Variants in HDAC4 observed in about 807,000 individuals in gnomAD.
HDAC4 encodes the protein histone deacetylase A.
In HDAC4, 16 loss-of-function variants were observed where a neutral mutation model predicts 135.1. The ratio of observed to expected loss-of-function variants is 0.12; its 90% confidence interval spans 0.08 to 0.18. The LOEUF (loss-of-function observed/expected upper bound fraction) is 0.18. Ranked by LOEUF, HDAC4 falls within the 10% of genes least tolerant of loss-of-function variation. The pLI, the probability that HDAC4 is intolerant of heterozygous loss-of-function variation, is 1.00. For missense variants in HDAC4, 1,143 were observed against 1,511.8 expected, an observed-to-expected ratio of 0.76 and a Z score of 4.05; for synonymous variants, 685 against 653.4, an observed-to-expected ratio of 1.05 and a Z score of -0.74.
intron 3 of HDAC4, 146 bp from the exon 4 acceptor site, chr2:239,190,223 TC>T: frequency 8.8e-7 from 1 of 1,141,912 alleles, no homozygotes; most frequent in South Asian, 1.6e-5. Flanking sequence ...TCTCCCCCTG[TC>T]CCCCTCTTGC....
intron 2 of HDAC4, among the ~76,000 whole-genome samples, chr2:239,297,959 G>A (rs940474100): frequency 1.4e-4 from 22 of 152,110 alleles, no homozygotes; most frequent in Admixed American, 1.0e-3. Flanking sequence ...TCCCGGTGCC[G>A]CGGCTGCTAA....
intron 2 of HDAC4, among the ~76,000 whole-genome samples, chr2:239,347,052 CACAT>C (rs771870308): frequency 9.2e-5 from 14 of 151,758 alleles, no homozygotes; most frequent in Non-Finnish European, 1.5e-4. Context: ...CTGATTCACA[CACAT>C]ACAACCTGTC....
At chr2:239,241,770 T>C (rs1255105801) in intron 2 of HDAC4, among the ~76,000 whole-genome samples, 1 of 152,174 alleles carries the variant, frequency 6.6e-6, no homozygotes, top group African/African-American at 2.4e-5. Flanking sequence ...TGTTTTCCTA[T>C]GATAACAGCC....
intron 2 of HDAC4, among the ~76,000 whole-genome samples, chr2:239,325,014 G>A (rs2053429738): frequency 6.6e-6 from 1 of 152,156 alleles, no homozygotes; most frequent in African/African-American, 2.4e-5. Flanking sequence ...TTCAACAAAT[G>A]GTGCTGGACC....
chr2:239,181,005 A>G (rs979036460), intron 4 of HDAC4, among the ~76,000 whole-genome samples: 1 of 152,230 alleles, frequency 6.6e-6, no homozygotes, highest in Non-Finnish European at 1.5e-5. Flanking sequence ...AATCGCTTGG[A>G]GTCCAGGGCA....
intron 3 of HDAC4, among the ~76,000 whole-genome samples, chr2:239,215,422 T>G (rs2046579321): frequency 6.6e-6 from 1 of 152,092 alleles, no homozygotes; most frequent in Non-Finnish European, 1.5e-5. Context: ...CCCAGAAACC[T>G]GGGCTCCCTG....
rs189171052 is a variant in HDAC4 at position 239,145,008 on chromosome 2, G to A, written c.734-294C>T. On this transcript the variant is annotated intron_variant, in intron 7 of 26. Coordinates refer to ENST00000543185, the MANE Select transcript of HDAC4 (RefSeq NM_001378414.1). ...ATCAGGCCACCACTGTTTACCAGGA[G>A]ATGGAAACAGGACTGACAAGCTGAT... Among the ~76,000 whole-genome samples, 1,005 of 152,352 alleles carry A rather than the reference G, an allele frequency of 6.6e-3. 8 individuals carry two copies. Among genetic ancestry groups the A allele is most frequent in the Non-Finnish European group, 8.2e-3 (561 of 68,030 alleles).
rs77807273 is a variant in HDAC4 at position 239,374,881 on chromosome 2, C to T, written c.-219-21963G>A. On this transcript the variant is annotated intron_variant, in intron 1 of 26. Coordinates refer to ENST00000543185, the MANE Select transcript of HDAC4 (RefSeq NM_001378414.1). The stretch of plus-strand genomic sequence containing the variant: ...TGTCAGCTGCACAGGCCCACCCTGG[C>T]GGTACGTGAAGGGCAGCGTGCAAAT... Among the ~76,000 whole-genome samples, 387 of 152,318 alleles carry T rather than the reference C, an allele frequency of 2.5e-3. 2 individuals are homozygous for T. The highest frequency in any genetic ancestry group is 4.4e-3 in the Non-Finnish European group (298 of 68,020).
chr2:239,384,175 G>T (rs1695623099), intron 1 of HDAC4, among the ~76,000 whole-genome samples: 1 of 152,202 alleles, frequency 6.6e-6, no homozygotes. Context: ...AATATTAGGG[G>T]ATGCCCAGAT....
intron 22 of HDAC4, among the ~76,000 whole-genome samples, chr2:239,075,311 A>G (rs986271259): frequency 1.3e-5 from 2 of 149,984 alleles, no homozygotes; most frequent in Admixed American, 6.7e-5. Context: ...TCAAGCCATC[A>G]CTTTAAGGAG....
At chr2:239,380,905 C>T (rs1038564237) in intron 1 of HDAC4, among the ~76,000 whole-genome samples, 5 of 152,286 alleles carry the variant, frequency 3.3e-5, no homozygotes, top group South Asian at 4.1e-4. Context: ...CCGTACACAG[C>T]GCACACTTCC....
chr2:239,161,786 C>T, intron 6 of HDAC4: 1 of 426,212 alleles, frequency 2.3e-6, no homozygotes, highest in South Asian at 1.7e-5. Flanking sequence ...CAGGAAAAGT[C>T]AGTCCTCCCA....
intron 24 of HDAC4, among the ~76,000 whole-genome samples, chr2:239,057,152 G>C (rs762447316): frequency 1.3e-5 from 2 of 152,208 alleles, no homozygotes; most frequent in Non-Finnish European, 2.9e-5. Flanking sequence ...GATGTTCACA[G>C]TAGAAGACGT....
intron 5 of HDAC4, among the ~76,000 whole-genome samples, chr2:239,174,686 T>C (rs922382442): frequency 2.0e-5 from 3 of 152,246 alleles, no homozygotes; most frequent in Non-Finnish European, 2.9e-5. Flanking sequence ...AGAATGCACA[T>C]AGCAATACTG....
intron 1 of HDAC4, among the ~76,000 whole-genome samples, chr2:239,381,570 A>C (rs1695417698): frequency 6.6e-6 from 1 of 152,234 alleles, no homozygotes; most frequent in South Asian, 2.1e-4. Flanking sequence ...ATTACTATTT[A>C]AGTTCTATGA....
intron 2 of HDAC4, among the ~76,000 whole-genome samples, chr2:239,253,343 C>T (rs1452197378): frequency 1.3e-5 from 2 of 152,200 alleles, no homozygotes; most frequent in South Asian, 2.1e-4. Flanking sequence ...TGAATTAAAA[C>T]GAACACCCCT....
intron 24 of HDAC4, among the ~76,000 whole-genome samples, chr2:239,058,007 C>T (rs532801032): frequency 6.6e-6 from 1 of 152,262 alleles, no homozygotes; most frequent in East Asian, 1.9e-4. Flanking sequence ...TTTAGTAAAA[C>T]AAAAACAAAC....
intron 17 of HDAC4, chr2:239,091,678 C>T (rs1244744989): frequency 6.6e-6 from 1 of 152,160 alleles, no homozygotes; most frequent in Non-Finnish European, 1.5e-5. Context: ...GAAGCTTCAT[C>T]ATCAAAGCAA....
At chr2:239,319,880 C>T (rs888776740) in intron 2 of HDAC4, among the ~76,000 whole-genome samples, 7 of 152,076 alleles carry the variant, frequency 4.6e-5, no homozygotes, top group African/African-American at 1.7e-4. Flanking sequence ...GGAACATGTG[C>T]ATGTATGATA....
Sources: allele counts gnomAD v4.1 joint callset (sites outside exome capture counted in the v4.1 genomes callset), GRCh38; gene constraint gnomAD v4.1.1; transcripts MANE v1.5; gene names NCBI Gene and HGNC (gene_info 2026-07-23, HGNC 2026-07-21).